LRRC8B: variants seen among roughly 807,000 people sequenced by gnomAD.
LRRC8B encodes the protein leucine rich repeat containing 8 VRAC subunit B, also known as volume-regulated anion channel subunit LRRC8B.
In LRRC8B, 23 loss-of-function variants were observed where a neutral mutation model predicts 58.8. The observed-to-expected ratio is 0.39, with a 90% CI of 0.28 to 0.55. LRRC8B has a LOEUF of 0.55. Ranked by LOEUF, LRRC8B falls within the 20% of genes least tolerant of loss-of-function variation. LRRC8B has a pLI of 0.62. For missense variants in LRRC8B, 694 were observed against 936.0 expected, an observed-to-expected ratio of 0.74 and a Z score of 3.37; for synonymous variants, 359 against 374.1, an observed-to-expected ratio of 0.96 and a Z score of 0.47.
At chr1:89,546,916 A>T (rs181140740) in intron 1 of LRRC8B, among the ~76,000 whole-genome samples, 7 of 152,366 alleles carry the variant, frequency 4.6e-5, no homozygotes, top group African/African-American at 1.7e-4. Flanking sequence ...GCTGACACAC[A>T]TAAGCTTGTG....
intron 4 of LRRC8B, among the ~76,000 whole-genome samples, chr1:89,580,381 T>A (rs1251050068): frequency 6.6e-6 from 1 of 152,226 alleles, no homozygotes; most frequent in East Asian, 1.9e-4. Context: ...TATGGCCAGA[T>A]GTTATAATCA....
At chr1:89,567,805 G>A (rs1653149546) in intron 1 of LRRC8B, among the ~76,000 whole-genome samples, 1 of 152,026 alleles carries the variant, frequency 6.6e-6, no homozygotes, top group South Asian at 2.1e-4. Context: ...AAGGAAAATT[G>A]AAAATTTAGT....
At chr1:89,567,327 G>T (rs1409339866) in intron 1 of LRRC8B, among the ~76,000 whole-genome samples, 1 of 152,200 alleles carries the variant, frequency 6.6e-6, no homozygotes. Context: ...CCTGAATAAA[G>T]AAACTCCGCT....
intron 1 of LRRC8B, among the ~76,000 whole-genome samples, chr1:89,554,341 T>A (rs1652026643): frequency 6.6e-6 from 1 of 152,214 alleles, no homozygotes; most frequent in African/African-American, 2.4e-5. Flanking sequence ...TATATAAATC[T>A]TACGCATCTT....
chr1:89,539,190 A>G (rs544891512), intron 1 of LRRC8B, among the ~76,000 whole-genome samples: 2 of 152,048 alleles, frequency 1.3e-5, no homozygotes, highest in Non-Finnish European at 2.9e-5. Flanking sequence ...TGCATTGACA[A>G]CTCTGAAAGA....
Position 89,583,669 on chromosome 1 carries a change from G to C in LRRC8B, c.1019G>C (p.Ser340Thr). The C allele has an allele frequency of 6.2e-7, 1 of 1,613,898 alleles. No homozygotes were observed. Among genetic ancestry groups the C allele is most frequent in the Non-Finnish European group, 8.5e-7 (1 of 1,180,024 alleles). ...SSYSLWWMLR[S>T]SLKQYSFEAL... The stretch of plus-strand genomic sequence containing the variant: ...TACAGCCTGTGGTGGATGCTGAGGA[G>C]TTCCCTGAAGCAATATTCCTTTGAG... The change falls in exon 5 of 6, where the codon AGT becomes ACT. Residue 340 changes from serine (S) to threonine (T), a missense_variant. By Grantham distance (58) the Ser-to-Thr change is moderately conservative. This residue lies in a region of LRRC8B where 24 missense variants were observed against 63.2 expected (regional missense o/e 0.38). Transcript: ENST00000330947. This position sits in a 1 kb window ranked among gnomAD's most constrained non-coding sequence, Gnocchi z 5.2.
intron 1 of LRRC8B, chr1:89,558,759 TG>T (rs1652378156): frequency 6.6e-6 from 1 of 152,236 alleles, no homozygotes; most frequent in African/African-American, 2.4e-5. Context: ...ATTTGATTTC[TG>T]GACGTTGAAC....
At chr1:89,571,709 G>A (rs1024353550) in intron 3 of LRRC8B, among the ~76,000 whole-genome samples, 13 of 152,130 alleles carry the variant, frequency 8.5e-5, no homozygotes, top group South Asian at 2.1e-4. Context: ...GCCCGGCAAA[G>A]ACTTCAATAC....
chr1:89,552,830 A>G (rs1651922916), intron 1 of LRRC8B, among the ~76,000 whole-genome samples: 1 of 152,258 alleles, frequency 6.6e-6, no homozygotes, highest in African/African-American at 2.4e-5. Context: ...GGACACTGCC[A>G]CACAAGAAAA....
intron 1 of LRRC8B, among the ~76,000 whole-genome samples, chr1:89,550,321 G>C (rs986293465): frequency 6.6e-6 from 1 of 151,980 alleles, no homozygotes. Flanking sequence ...CCTTTTTAAC[G>C]AGTTGTTCAT....
intron 1 of LRRC8B, among the ~76,000 whole-genome samples, chr1:89,541,922 T>G (rs965742100): frequency 6.6e-6 from 1 of 151,992 alleles, no homozygotes; most frequent in Non-Finnish European, 1.5e-5. Context: ...AGAATGAAAT[T>G]TTCCTGATAA....
In LRRC8B at chr1:89,571,667, A is replaced by G. The variant is rs181405643; in HGVS notation, c.-125+3174A>G. Among the ~76,000 whole-genome samples, 281 of 152,150 alleles carry G rather than the reference A, an allele frequency of 1.8e-3. 1 individual carries two copies. Among genetic ancestry groups the G allele is most frequent in the African/African-American group, 6.5e-3 (270 of 41,508 alleles). ...GGATACTTTGATTTCCTCTTTTCCT[A>G]TTTGGGTGCACTTTCTTTCTCTTGC... is the stretch of plus-strand genomic sequence containing the variant. On this transcript the variant is annotated intron_variant, in intron 3 of 5. Transcript: ENST00000330947.
intron 3 of LRRC8B, among the ~76,000 whole-genome samples, chr1:89,574,210 C>T (rs1211628497): frequency 6.6e-6 from 1 of 152,198 alleles, no homozygotes; most frequent in East Asian, 1.9e-4. Context: ...CAGCCCTCAC[C>T]ATGTGAACTG....
intron 3 of LRRC8B, among the ~76,000 whole-genome samples, chr1:89,576,610 A>G (rs1031745329): frequency 2.6e-5 from 4 of 152,218 alleles, no homozygotes; most frequent in African/African-American, 9.6e-5. Flanking sequence ...CCTACTTCCT[A>G]CCTTACAAAT....
In LRRC8B at chr1:89,597,305, A is replaced by C. The variant is rs1655344902; in HGVS notation, c.*4262A>C. ...AAAGTACTGAGTCGAGATGGCTTTC[A>C]GTTGAGTTTAATTTCATATTTAACT... On this transcript the variant is annotated 3_prime_UTR_variant, in exon 6 of 6. Coordinates refer to ENST00000330947, the MANE Select transcript of LRRC8B (RefSeq NM_001369817.2). 1 of 152,242 alleles carries C rather than the reference A, an allele frequency of 6.6e-6. No homozygotes were observed. Among genetic ancestry groups the C allele is most frequent in the East Asian group, 1.9e-4 (1 of 5,204 alleles). 9.4% of individuals were successfully genotyped at this position (152,242 alleles called of 1,614,324 possible). A position where few individuals can be genotyped will look rare whatever the true frequency, so the allele number is the denominator to read the frequency against.
chr1:89,589,372 G>A (rs1654834272), intron 5 of LRRC8B, among the ~76,000 whole-genome samples: 1 of 152,138 alleles, frequency 6.6e-6, no homozygotes, highest in Non-Finnish European at 1.5e-5. Flanking sequence ...ATATGTGGGT[G>A]GACATGGAAG....
rs1654472618 is a variant in LRRC8B, at chr1:89,584,348, G to A, written c.1698G>A (p.Leu566=). Residue 566 remains leucine, a synonymous_variant, in exon 5 of 6, where the codon CTG becomes CTA. Transcript: ENST00000330947. ...VTDLLPSLQK[L]SLDNEGSKLV... is the part of the protein sequence containing the mutation. ...ACCTCCTGCCTTCATTGCAGAAACT[G>A]TCCCTTGATAATGAGGGAAGCAAAC... 1 of 1,613,986 alleles carries A rather than the reference G, an allele frequency of 6.2e-7. No homozygotes were observed. The highest frequency in any genetic ancestry group is 1.3e-5 in the African/African-American group (1 of 74,886).
rs529591265 is a variant in LRRC8B at position 89,594,794 on chromosome 1, G to A, written c.*1751G>A. 9 of 152,176 alleles carry A rather than the reference G, an allele frequency of 5.9e-5. No homozygotes were observed. The South Asian group carries it at 1.9e-3, about 32-fold the overall frequency. The allele number at this position is 152,176 out of a possible 1,614,324, so 9.4% of individuals were successfully genotyped here. ...CATCTTTAATATGTTTTTCCCTAAG[G>A]GTCTAGGCATTATGATGCCACCTCT... is the stretch of plus-strand genomic sequence containing the variant. On this transcript the variant is annotated 3_prime_UTR_variant, in exon 6 of 6. Transcript: ENST00000330947.
In LRRC8B at chr1:89,584,398, A is replaced by G. The variant is rs759500540; in HGVS notation, c.1748A>G (p.Lys583Arg). 7.4e-6 allele frequency: 12 copies of G among 1,614,134 alleles called. No individual in the cohort carries two copies. In the South Asian group the frequency reaches 1.2e-4, roughly 16 times the overall value. The change falls in exon 5 of 6, where the codon AAG becomes AGG. Residue 583 changes from lysine to arginine, a missense_variant. Lys to Arg is a conservative substitution (Grantham distance 26). Transcript: ENST00000330947. ...SKLVVLNNLK[K>R]MVNLKSLELI... ...CTGGTTGTGTTGAACAACTTGAAAA[A>G]GATGGTCAATCTGAAAAGCCTAGAA...
Sources: gnomAD v4.1 joint callset for allele counts (sites outside exome capture counted in the v4.1 genomes callset) on GRCh38, gnomAD v4.1.1 for gene constraint, gnomAD v4.1.1 regional missense constraint, Gnocchi (gnomAD v3.1) non-coding constraint, MANE v1.5 for transcripts, NCBI Gene and HGNC (gene_info 2026-07-23, HGNC 2026-07-21) for gene names.